Variants in CDH12 observed in about 807,000 individuals in gnomAD.
CDH12 encodes cadherin-12.
Under a neutral mutation model 74.1 loss-of-function variants are expected in CDH12, and 41 were observed. The observed-to-expected ratio is 0.55, with a 90% CI of 0.43 to 0.72. The LOEUF (loss-of-function observed/expected upper bound fraction) is 0.72, where lower values mean the gene tolerates loss of function less well. Among genes scored for constraint, CDH12 ranks in the 30% least tolerant of loss-of-function variants. The pLI, the probability that CDH12 is intolerant of heterozygous loss-of-function variation, is 0.00. For missense variants in CDH12, 945 were observed against 977.2 expected, an observed-to-expected ratio of 0.97 and a Z score of 0.44; for synonymous variants, 399 against 355.0, an observed-to-expected ratio of 1.12 and a Z score of -1.39.
chr5:22,340,586 T>A (rs549447381), intron 3 of CDH12, among the ~76,000 whole-genome samples: 2 of 152,330 alleles, frequency 1.3e-5, no homozygotes, highest in East Asian at 3.9e-4. Context: ...GAAAATGTTC[T>A]TAAATAATCT....
At chr5:21,982,254 C>G (rs1238376583) in intron 5 of CDH12, among the ~76,000 whole-genome samples, 2 of 152,004 alleles carry the variant, frequency 1.3e-5, no homozygotes, top group Non-Finnish European at 2.9e-5. Flanking sequence ...AGCTGAGACA[C>G]TGGAATTTTT....
chr5:21,915,246 G>T (rs1754034556), intron 6 of CDH12, among the ~76,000 whole-genome samples: 2 of 152,024 alleles, frequency 1.3e-5, no homozygotes, highest in Non-Finnish European at 2.9e-5. Flanking sequence ...TGGCATCAAA[G>T]GTTATATTTA....
intron 6 of CDH12, among the ~76,000 whole-genome samples, chr5:21,863,035 TAAAC>T (rs935232459): frequency 1.2e-4 from 19 of 152,168 alleles, no homozygotes; most frequent in Non-Finnish European, 2.2e-4. Context: ...AAAATGGAAA[TAAAC>T]AAAACAGAAC....
intron 1 of CDH12, among the ~76,000 whole-genome samples, chr5:22,698,796 A>G (rs1561586272): frequency 7.1e-6 from 1 of 141,382 alleles, no homozygotes; most frequent in African/African-American, 2.6e-5. Flanking sequence ...ATAATTTGAC[A>G]ATTATTAGAA....
intron 1 of CDH12, among the ~76,000 whole-genome samples, chr5:22,766,689 G>GA (rs1746532951): frequency 6.6e-6 from 1 of 151,950 alleles, no homozygotes; most frequent in Non-Finnish European, 1.5e-5. Context: ...ACAAGACTTG[G>GA]AAAAAAGATT....
chr5:22,438,298 T>G (rs950907674), intron 2 of CDH12, among the ~76,000 whole-genome samples: 5 of 152,030 alleles, frequency 3.3e-5, no homozygotes, highest in African/African-American at 1.2e-4. Flanking sequence ...TCCTACAGAA[T>G]GTAAAGAAGC....
intron 1 of CDH12, among the ~76,000 whole-genome samples, chr5:22,625,434 T>G (rs889577777): frequency 6.6e-6 from 1 of 152,084 alleles, no homozygotes; most frequent in African/African-American, 2.4e-5. Flanking sequence ...CACGATCCCA[T>G]GGACACTTAA....
intron 4 of CDH12, among the ~76,000 whole-genome samples, chr5:22,110,141 C>G (rs1744721478): frequency 6.6e-6 from 1 of 152,162 alleles, no homozygotes; most frequent in Non-Finnish European, 1.5e-5. Context: ...GGGAGGACAT[C>G]TTTCCTATGA....
At chr5:22,585,130 G>GT (rs1213206104) in intron 1 of CDH12, among the ~76,000 whole-genome samples, 2 of 152,188 alleles carry the variant, frequency 1.3e-5, no homozygotes, top group East Asian at 1.9e-4. Flanking sequence ...TTCTGTTATT[G>GT]TTTTTTCTGA....
At position 22,471,672 on chromosome 5, in the gene CDH12, T is replaced by A. The variant is rs1017918873; in HGVS notation, c.-428+33598A>T. 5.3e-5 allele frequency among the ~76,000 whole-genome samples: 8 copies of A among 152,266 alleles called. No homozygotes were observed. In the South Asian group the frequency reaches 6.2e-4, roughly 12 times the overall value. ...TTTATCCCCATTCCTCAGGTTAGGG[T>A]CTGTTCAAGGTTACCAATGACTTCA... On this transcript the variant is annotated intron_variant, in intron 2 of 14. Coordinates refer to ENST00000382254, the MANE Select transcript of CDH12 (RefSeq NM_004061.5).
chr5:22,229,731 C>T (rs1017582437), intron 3 of CDH12, among the ~76,000 whole-genome samples: 4 of 151,998 alleles, frequency 2.6e-5, no homozygotes, highest in African/African-American at 7.2e-5. Flanking sequence ...ATCTCAAATG[C>T]GTGTCCTTGT....
At chr5:22,333,881 C>T (rs1038146829) in intron 3 of CDH12, among the ~76,000 whole-genome samples, 1 of 152,102 alleles carries the variant, frequency 6.6e-6, no homozygotes, top group African/African-American at 2.4e-5. Flanking sequence ...AGCACAAAAA[C>T]CACATGATAA....
intron 3 of CDH12, among the ~76,000 whole-genome samples, chr5:22,353,736 C>CT (rs1341414071): frequency 6.6e-6 from 1 of 151,992 alleles, no homozygotes; most frequent in Non-Finnish European, 1.5e-5. Context: ...TGTATTTGGT[C>CT]TTTTTTCTTC....
intron 13 of CDH12, among the ~76,000 whole-genome samples, chr5:21,757,947 C>T (rs943758930): frequency 2.6e-5 from 4 of 152,158 alleles, no homozygotes; most frequent in Non-Finnish European, 5.9e-5. Context: ...GGCTCTCACC[C>T]ATTTACTGCA....
intron 1 of CDH12, among the ~76,000 whole-genome samples, chr5:22,559,365 T>A (rs907992699): frequency 5.3e-5 from 8 of 151,876 alleles, no homozygotes; most frequent in Non-Finnish European, 1.0e-4. Context: ...AGCGAAAAAA[T>A]TTTTAAAGTT....
chr5:22,090,103 C>T (rs980015969), intron 4 of CDH12, among the ~76,000 whole-genome samples: 4 of 151,812 alleles, frequency 2.6e-5, no homozygotes, highest in Admixed American at 2.0e-4. Flanking sequence ...AAAATAAACA[C>T]ACCAAATTGT....
At chr5:22,592,175 T>C (rs984672026) in intron 1 of CDH12, among the ~76,000 whole-genome samples, 2 of 152,238 alleles carry the variant, frequency 1.3e-5, no homozygotes, top group African/African-American at 2.4e-5. Flanking sequence ...GTTACATTTA[T>C]GAATTAAAAA....
At chr5:22,279,470 C>T (rs1159149460) in intron 3 of CDH12, among the ~76,000 whole-genome samples, 2 of 152,108 alleles carry the variant, frequency 1.3e-5, no homozygotes, top group Non-Finnish European at 2.9e-5. Flanking sequence ...TGGTGTGCTG[C>T]ACCCATTAAC....
intron 6 of CDH12, among the ~76,000 whole-genome samples, chr5:21,956,093 C>A (rs1194014515): frequency 6.6e-6 from 1 of 151,648 alleles, no homozygotes; most frequent in African/African-American, 2.4e-5. Flanking sequence ...AGAGAAAAAA[C>A]TATGTTAGTA....
Sources: allele counts gnomAD v4.1 joint callset (sites outside exome capture counted in the v4.1 genomes callset), GRCh38; gene constraint gnomAD v4.1.1; transcripts MANE v1.5; gene names NCBI Gene and HGNC (gene_info 2026-07-23, HGNC 2026-07-21).